The following FASTKD1 variants were observed in gnomAD, a reference collection of about 807,000 sequenced individuals.
The protein encoded by FASTKD1 is FAST kinase domain-containing protein 1, mitochondrial.
Under a neutral mutation model 90.9 loss-of-function variants are expected in FASTKD1, and 94 were observed. That is an observed-to-expected ratio of 1.03 (90% CI 0.88 to 1.23). The LOEUF (loss-of-function observed/expected upper bound fraction) is 1.23. FASTKD1 is among the 50% of genes most tolerant of loss of function. The pLI is 0.00. For missense variants in FASTKD1, 945 were observed against 993.5 expected, an observed-to-expected ratio of 0.95 and a Z score of 0.66; for synonymous variants, 319 against 345.8, an observed-to-expected ratio of 0.92 and a Z score of 0.86.
At position 169,557,976 on chromosome 2, in the gene FASTKD1, G is replaced by A. The variant is rs190838487; in HGVS notation, c.972-679C>T. Among the ~76,000 whole-genome samples the A allele has an allele frequency of 5.8e-4, 88 of 152,222 alleles. 1 individual carries two copies. Among genetic ancestry groups the A allele is most frequent in the Non-Finnish European group, 5.1e-4 (35 of 68,014 alleles). On this transcript the variant is annotated intron_variant, in intron 5 of 14. Transcript: ENST00000453153. Reference sequence around the variant, plus strand: ...ATCCTTTCCACCAACCTTTTCAAAGGTTTCAAACCCAGTTTCTCCACAAAC... The same window carrying A: ...ATCCTTTCCACCAACCTTTTCAAAGATTTCAAACCCAGTTTCTCCACAAAC...
chr2:169,565,419 C>A (rs1290648452), intron 3 of FASTKD1, among the ~76,000 whole-genome samples: 1 of 151,880 alleles, frequency 6.6e-6, no homozygotes, highest in East Asian at 1.9e-4. Context: ...CCCGCCACCA[C>A]GCCCGGCTAA....
intron 5 of FASTKD1, among the ~76,000 whole-genome samples, chr2:169,557,824 C>T (rs1171023348): frequency 6.6e-6 from 1 of 152,152 alleles, no homozygotes; most frequent in African/African-American, 2.4e-5. Context: ...TTTGAACTAT[C>T]CAAAGTAGTG....
At chr2:169,550,363 G>A (rs958973477) in intron 7 of FASTKD1, among the ~76,000 whole-genome samples, 11 of 150,338 alleles carry the variant, frequency 7.3e-5, no homozygotes, top group Non-Finnish European at 1.6e-4. Context: ...AAAATTGTAT[G>A]GTCAACTAGG....
In FASTKD1 at chr2:169,546,205, A is replaced by T. The variant is rs765035927; in HGVS notation, c.1701+13T>A. ...CAACTCTATAAAATTAATGTCTACC[A>T]TTTAAATTTCACCTTTTCAATCTGC... On this transcript the variant is annotated intron_variant, in intron 8 of 14. Transcript: ENST00000453153. The T allele has an allele frequency of 9.2e-6, 14 of 1,527,156 alleles. No homozygotes were observed. The highest frequency in any genetic ancestry group is 1.1e-5 in the Non-Finnish European group (13 of 1,139,646). 94.6% of individuals were successfully genotyped at this position (1,527,156 alleles called of 1,614,324 possible).
At position 169,537,918 on chromosome 2, in the gene FASTKD1, C is replaced by T. The variant is rs564159410; in HGVS notation, c.2074+95G>A. 3.2e-5 allele frequency: 33 copies of T among 1,040,676 alleles called. 1 individual carries two copies. Among genetic ancestry groups the T allele is most frequent in the Admixed American group, 2.6e-4 (10 of 38,916 alleles). 64.5% of individuals were successfully genotyped at this position (1,040,676 alleles called of 1,614,324 possible). On this transcript the variant is annotated intron_variant, in intron 11 of 14. Coordinates refer to ENST00000453153, the MANE Select transcript of FASTKD1 (RefSeq NM_024622.6). ...AGGTCATGGCACTCTTGGGAAGGCT[C>T]GTGTCATGTTTAAGTATAACAAGAT...
chr2:169,557,122 C>A, intron 6 of FASTKD1, 65 bp downstream of exon 6: 1 of 1,044,478 alleles, frequency 9.6e-7, no homozygotes, highest in Non-Finnish European at 1.5e-6. Context: ...ACCATTTTTC[C>A]TTAGAAAAAA....
intron 3 of FASTKD1, among the ~76,000 whole-genome samples, chr2:169,568,265 G>A (rs983692563): frequency 6.6e-6 from 1 of 151,752 alleles, no homozygotes; most frequent in Non-Finnish European, 1.5e-5. Flanking sequence ...AATAAACTAG[G>A]GTCTCTTTTT....
At chr2:169,555,935 G>A (rs773559103) in intron 6 of FASTKD1, among the ~76,000 whole-genome samples, 1 of 152,090 alleles carries the variant, frequency 6.6e-6, no homozygotes, top group Non-Finnish European at 1.5e-5. Context: ...TACAGCCTTG[G>A]TGGTAATTTT....
rs1221503909 is a variant in FASTKD1 at position 169,571,615 on chromosome 2, T to C, written c.377+38A>G. On this transcript the variant is annotated intron_variant, in intron 2 of 14. Transcript: ENST00000453153. Reference sequence around the variant, plus strand: ...TTTTAGAAAATTAAAATGTAAACTATATAATCATTCCATAAAATATAAAAG... The same window carrying C: ...TTTTAGAAAATTAAAATGTAAACTACATAATCATTCCATAAAATATAAAAG... 15 of 1,252,146 alleles carry C rather than the reference T, an allele frequency of 1.2e-5. No homozygotes were observed. The East Asian group carries it at 2.8e-4, about 23-fold the overall frequency. 77.6% of individuals were successfully genotyped at this position (1,252,146 alleles called of 1,614,324 possible).
rs1684384497 is a variant in FASTKD1, at chr2:169,529,470, C to G, written c.*355G>C. Among the ~76,000 whole-genome samples the G allele has an allele frequency of 6.6e-6, 1 of 152,202 alleles. No homozygotes were observed. Among genetic ancestry groups the G allele is most frequent in the Non-Finnish European group, 1.5e-5 (1 of 68,032 alleles). ...AATGACCTCGTAAAGAGTTTTCTTTCTTACACATTTGCCTCATCGTAGTCT... is the reference window on the plus strand; with the variant it reads ...AATGACCTCGTAAAGAGTTTTCTTTGTTACACATTTGCCTCATCGTAGTCT... On this transcript the variant is annotated 3_prime_UTR_variant, in exon 15 of 15. Coordinates refer to ENST00000453153, the MANE Select transcript of FASTKD1 (RefSeq NM_024622.6).
intron 7 of FASTKD1, among the ~76,000 whole-genome samples, chr2:169,549,228 C>T (rs1685375104): frequency 6.6e-6 from 1 of 152,254 alleles, no homozygotes; most frequent in East Asian, 1.9e-4. Context: ...AACCCCGTCT[C>T]TACTAAAAAT....
chr2:169,533,146 ATC>A (rs1684564920), intron 12 of FASTKD1, among the ~76,000 whole-genome samples: 1 of 152,160 alleles, frequency 6.6e-6, no homozygotes, highest in South Asian at 2.1e-4. Flanking sequence ...AAAATTTCCC[ATC>A]TGTCTACTTA....
chr2:169,546,465 T>C lies in FASTKD1; in HGVS notation c.1454A>G (p.His485Arg). ...GTGTTGTAGTCTCTGACGACCATAG[T>C]GATCTAATTTTTGAAGTAGTTTCAG... ...KQLKLLQKLDHYGRQRLQHSN... is the reference protein window; with the variant it reads ...KQLKLLQKLDRYGRQRLQHSN... The change falls in exon 8 of 15, where the codon CAC becomes CGC. Residue 485 changes from histidine to arginine, a missense_variant. His to Arg is a conservative substitution (Grantham distance 29, BLOSUM62 0). Transcript: ENST00000453153. 6.2e-6 allele frequency: 10 copies of C among 1,614,222 alleles called. No homozygotes were observed. Among genetic ancestry groups the C allele is most frequent in the Non-Finnish European group, 8.5e-6 (10 of 1,180,052 alleles).
chr2:169,560,545 T>C lies in FASTKD1; in HGVS notation c.813A>G (p.Ile271Met). ...ATTGTAGAAATTTGTATACACTAAG[T>C]ATTTTACTGATGGAATCCAAATCAA... is the stretch of plus-strand genomic sequence containing the variant. ...DHLDLDSISK[I>M]LSVYKFLQFN... Residue 271 changes from isoleucine (I) to methionine (M), a missense_variant, in exon 5 of 15, where the codon ATA becomes ATG. Ile to Met is a conservative substitution (Grantham distance 10). Transcript: ENST00000453153. 2 of 1,604,876 alleles carry C rather than the reference T, an allele frequency of 1.2e-6. No homozygotes were observed. The highest frequency in any genetic ancestry group is 1.7e-6 in the Non-Finnish European group (2 of 1,176,044).
intron 10 of FASTKD1, among the ~76,000 whole-genome samples, chr2:169,539,234 T>C (rs1478398918): frequency 2.0e-5 from 3 of 150,290 alleles, no homozygotes; most frequent in East Asian, 2.0e-4. Context: ...ATTGAGCCAC[T>C]GCACTCCAGC....
chr2:169,541,589 T>G (rs967478647), intron 9 of FASTKD1, among the ~76,000 whole-genome samples: 1 of 152,160 alleles, frequency 6.6e-6, no homozygotes, highest in Non-Finnish European at 1.5e-5. Flanking sequence ...GTCTGGCCCA[T>G]AGATCCCACA....
chr2:169,561,430 G>A (rs1683593225), intron 4 of FASTKD1, among the ~76,000 whole-genome samples: 1 of 151,850 alleles, frequency 6.6e-6, no homozygotes, highest in Non-Finnish European at 1.5e-5. Flanking sequence ...TCATAGTACT[G>A]GATTATGAAG....
Position 169,529,744 on chromosome 2 carries a change from A to T in FASTKD1, c.*81T>A. The T allele has an allele frequency of 1.1e-6, 1 of 886,190 alleles. No individual in the cohort carries two copies. The highest frequency in any genetic ancestry group is 1.8e-6 in the Non-Finnish European group (1 of 565,276). The allele number at this position is 886,190 out of a possible 1,614,324, so 54.9% of individuals were successfully genotyped here. ...CATGTTCCCACCTTAGGACATTTGT[A>T]CCTATTTTTTAATTGAGACAGGCCA... On this transcript the variant is annotated 3_prime_UTR_variant, in exon 15 of 15. Transcript: ENST00000453153.
At chr2:169,568,791 G>T (rs1259221815) in intron 3 of FASTKD1, among the ~76,000 whole-genome samples, 2 of 151,842 alleles carry the variant, frequency 1.3e-5, no homozygotes, top group African/African-American at 4.8e-5. Flanking sequence ...ACGAGGTCAG[G>T]AGTTCAAGAC....
Sources: allele counts gnomAD v4.1 joint callset (sites outside exome capture counted in the v4.1 genomes callset), GRCh38; gene constraint gnomAD v4.1.1; transcripts MANE v1.5; gene names NCBI Gene and HGNC (gene_info 2026-07-23, HGNC 2026-07-21).